The following SEC14L6 variants were observed in gnomAD, a reference collection of about 807,000 sequenced individuals.
SEC14L6 encodes SEC14-like protein 6.
A neutral mutation model predicts 54.1 loss-of-function variants in SEC14L6; 40 were observed. That is an observed-to-expected ratio of 0.74 (90% confidence interval 0.57 to 0.96). SEC14L6 has a LOEUF of 0.96. SEC14L6 is among the 40% of genes least tolerant of loss of function. SEC14L6 has a pLI of 0.00. For missense variants in SEC14L6, 471 were observed against 498.3 expected, an observed-to-expected ratio of 0.95 and a Z score of 0.52; for synonymous variants, 171 against 198.4, an observed-to-expected ratio of 0.86 and a Z score of 1.16.
intron 6 of SEC14L6, 141 bp from the exon 7 acceptor site, chr22:30,529,490 A>G (rs1056460027): frequency 3.1e-5 from 21 of 671,152 alleles, no homozygotes; most frequent in Non-Finnish European, 5.2e-5. Flanking sequence ...ACGGCTCCCG[A>G]TGCCCAGACA....
chr22:30,527,292 TG>T (rs1936808483), intron 8 of SEC14L6, among the ~76,000 whole-genome samples: 1 of 151,670 alleles, frequency 6.6e-6, no homozygotes. Flanking sequence ...TCCTAGAAAA[TG>T]GTCATGAGAC....
intron 11 of SEC14L6, 74 bp from the exon 12 acceptor site, chr22:30,525,183 G>C (rs996583488): frequency 1.6e-6 from 2 of 1,257,790 alleles, no homozygotes; most frequent in Non-Finnish European, 1.1e-6. Context: ...AAATCTCTGC[G>C]TGGGTACCCA....
chr22:30,537,352 T>A (rs1464942536), intron 2 of SEC14L6, among the ~76,000 whole-genome samples: 1 of 151,988 alleles, frequency 6.6e-6, no homozygotes, highest in African/African-American at 2.4e-5. Flanking sequence ...CGGTGGCTCA[T>A]GCCTGTAATC....
intron 2 of SEC14L6, 65 bp downstream of exon 2, chr22:30,538,762 T>C: frequency 9.1e-7 from 1 of 1,092,970 alleles, no homozygotes; most frequent in Non-Finnish European, 1.4e-6. Flanking sequence ...ATACACTCAA[T>C]AGATACCAAA....
chr22:30,544,935 A>G (rs1004931645), intron 1 of SEC14L6, among the ~76,000 whole-genome samples: 2 of 152,056 alleles, frequency 1.3e-5, no homozygotes, highest in Non-Finnish European at 2.9e-5. Flanking sequence ...CAACAACGTG[A>G]AAAAAAGAAA....
intron 1 of SEC14L6, chr22:30,542,430 C>T (rs1010543559): frequency 1.9e-5 from 9 of 464,518 alleles, no homozygotes; most frequent in Non-Finnish European, 2.9e-5. Flanking sequence ...CCCAGGCCAC[C>T]TTAAGAGGAC....
chr22:30,541,271 C>A (rs1156480227), intron 1 of SEC14L6, among the ~76,000 whole-genome samples: 1 of 152,074 alleles, frequency 6.6e-6, no homozygotes, highest in African/African-American at 2.4e-5. Flanking sequence ...CTTCTAAAGG[C>A]CACAATCATC....
chr22:30,541,764 T>C (rs970060457), intron 1 of SEC14L6, among the ~76,000 whole-genome samples: 1 of 152,092 alleles, frequency 6.6e-6, no homozygotes, highest in Admixed American at 6.6e-5. Context: ...GCCCAGGAGT[T>C]TGAGGCTGCA....
At chr22:30,544,654 C>A (rs541574601) in intron 1 of SEC14L6, among the ~76,000 whole-genome samples, 2 of 152,270 alleles carry the variant, frequency 1.3e-5, no homozygotes, top group African/African-American at 4.8e-5. Flanking sequence ...AGCCATGAGT[C>A]CTGGAGGAGG....
intron 6 of SEC14L6, among the ~76,000 whole-genome samples, chr22:30,531,075 G>A (rs567516517): frequency 3.3e-5 from 5 of 152,208 alleles, no homozygotes; most frequent in African/African-American, 1.2e-4. Flanking sequence ...GCACAGCCCC[G>A]AGAAGCTGTG....
At position 30,543,852 on chromosome 22, in the gene SEC14L6, A is replaced by G. The variant is rs994529547; in HGVS notation, c.54+2777T>C. 7.3e-6 allele frequency: 11 copies of G among 1,513,156 alleles called. No homozygotes were observed. The East Asian group carries it at 2.3e-4, about 31-fold the overall frequency. The allele number at this position is 1,513,156 out of a possible 1,614,324, so 93.7% of individuals were successfully genotyped here. A position where few individuals can be genotyped will look rare whatever the true frequency, so the allele number is the denominator to read the frequency against. Reference sequence around the variant, plus strand: ...TAACCCAGGACACAAATGATATCACATATGCGGACCTGAACCTGCCCAAGG... The same window carrying G: ...TAACCCAGGACACAAATGATATCACGTATGCGGACCTGAACCTGCCCAAGG... On this transcript the variant is annotated intron_variant, in intron 1 of 11. Coordinates refer to ENST00000402034, the MANE Select transcript of SEC14L6 (RefSeq NM_001193336.4).
At chr22:30,525,262 G>T (rs7289828) in intron 11 of SEC14L6, 88 bp downstream of exon 11, 318,889 of 1,478,118 alleles carry the variant, frequency 0.22, 36,398 homozygotes, top group Admixed American at 0.25. Context: ...AGAACCAAGG[G>T]CCCTCACCTG....
intron 3 of SEC14L6, 76 bp from the exon 4 acceptor site, chr22:30,532,932 C>T: frequency 6.4e-7 from 1 of 1,568,416 alleles, no homozygotes; most frequent in Non-Finnish European, 8.6e-7. Flanking sequence ...GGACACCAGG[C>T]CAGGTCCCTC....
intron 1 of SEC14L6, among the ~76,000 whole-genome samples, chr22:30,545,480 G>A (rs866292177): frequency 2.7e-5 from 4 of 150,660 alleles, no homozygotes; most frequent in African/African-American, 4.9e-5. Flanking sequence ...CCGCAGTCTC[G>A]ACCTCCTAGG....
At chr22:30,534,631 G>A (rs553489643) in intron 2 of SEC14L6, among the ~76,000 whole-genome samples, 32 of 151,906 alleles carry the variant, frequency 2.1e-4, no homozygotes, top group African/African-American at 7.5e-4. Context: ...GGCTGGTCTC[G>A]AACTCCTTAC....
At chr22:30,527,351 A>G (rs1161890201) in intron 8 of SEC14L6, among the ~76,000 whole-genome samples, 1 of 152,090 alleles carries the variant, frequency 6.6e-6, no homozygotes, top group African/African-American at 2.4e-5. Context: ...TATAAAGAAA[A>G]TGTCCAACCT....
chr22:30,539,831 T>C (rs1394442237), intron 1 of SEC14L6, among the ~76,000 whole-genome samples: 1 of 152,160 alleles, frequency 6.6e-6, no homozygotes, highest in Non-Finnish European at 1.5e-5. Context: ...AGGGGTGGCT[T>C]GACCTGGCCT....
At chr22:30,537,572 T>G (rs1357994848) in intron 2 of SEC14L6, among the ~76,000 whole-genome samples, 1 of 152,204 alleles carries the variant, frequency 6.6e-6, no homozygotes, top group African/African-American at 2.4e-5. Context: ...TGAGCTGATG[T>G]CAGCCTGGGC....
chr22:30,536,367 C>T (rs2146281019), intron 2 of SEC14L6, among the ~76,000 whole-genome samples: 1 of 152,294 alleles, frequency 6.6e-6, no homozygotes, highest in African/African-American at 2.4e-5. Context: ...CCGACTCCAG[C>T]CCTACCGCCC....
Sources: allele counts gnomAD v4.1 joint callset (sites outside exome capture counted in the v4.1 genomes callset), GRCh38; gene constraint gnomAD v4.1.1; transcripts MANE v1.5; gene names NCBI Gene and HGNC (gene_info 2026-07-23, HGNC 2026-07-21).